The following RBPMS variants were observed in gnomAD, a reference collection of about 807,000 sequenced individuals.
The protein encoded by RBPMS is RNA-binding protein with multiple splicing.
In RBPMS, 7 loss-of-function variants were observed where a neutral mutation model predicts 26.8. The ratio of observed to expected loss-of-function variants is 0.26; its 90% CI spans 0.15 to 0.49. The LOEUF (loss-of-function observed/expected upper bound fraction) is 0.49, where lower values mean the gene tolerates loss of function less well. Among genes scored for constraint, RBPMS ranks in the 20% least tolerant of loss-of-function variants. The probability of loss-of-function intolerance (pLI) is 0.98; values close to 1 mark genes in which losing one functional copy is unlikely to be tolerated. For missense variants in RBPMS, 186 were observed against 250.0 expected, an observed-to-expected ratio of 0.74 and a Z score of 1.73; for synonymous variants, 96 against 93.3, an observed-to-expected ratio of 1.03 and a Z score of -0.17.
chr8:30,410,451 GC>G (rs538042279), intron 1 of RBPMS, among the ~76,000 whole-genome samples: 38 of 151,982 alleles, frequency 2.5e-4, no homozygotes, highest in Admixed American at 9.8e-4. Flanking sequence ...CTTGTCATCT[GC>G]CCCCCTCGGC....
chr8:30,561,997 C>G (rs1343147137), intron 7 of RBPMS: 1 of 985,196 alleles, frequency 1.0e-6, no homozygotes, highest in African/African-American at 1.7e-5. Context: ...TTTGGAAGTA[C>G]GGCTAATAGA....
intron 5 of RBPMS, among the ~76,000 whole-genome samples, chr8:30,531,964 GT>G (rs546577130): frequency 1.4e-3 from 206 of 152,256 alleles, no homozygotes; most frequent in African/African-American, 4.8e-3. Flanking sequence ...AGCCAGTTTT[GT>G]TTAATAAAGT....
chr8:30,533,227 G>T (rs1395246114), intron 5 of RBPMS, among the ~76,000 whole-genome samples: 8 of 152,120 alleles, frequency 5.3e-5, no homozygotes, highest in African/African-American at 1.9e-4. Flanking sequence ...TTTATTCACT[G>T]CGATCATGGA....
At chr8:30,532,744 C>T (rs1306905023) in intron 5 of RBPMS, among the ~76,000 whole-genome samples, 1 of 152,070 alleles carries the variant, frequency 6.6e-6, no homozygotes, top group African/African-American at 2.4e-5. Flanking sequence ...ATCTCCTCAC[C>T]CTCCAAAGAG....
chr8:30,439,651 T>C (rs1414942111), intron 1 of RBPMS, among the ~76,000 whole-genome samples: 2 of 152,072 alleles, frequency 1.3e-5, no homozygotes, highest in African/African-American at 4.8e-5. Context: ...CTTTTTTTTT[T>C]CCTTTTGTTT....
At chr8:30,455,779 A>G (rs1171098667) in intron 1 of RBPMS, among the ~76,000 whole-genome samples, 3 of 152,012 alleles carry the variant, frequency 2.0e-5, no homozygotes, top group Non-Finnish European at 2.9e-5. Flanking sequence ...AGTCGCAACT[A>G]CTCGGGAGGC....
At chr8:30,410,498 G>T (rs569836769) in intron 1 of RBPMS, among the ~76,000 whole-genome samples, 1 of 151,992 alleles carries the variant, frequency 6.6e-6, no homozygotes, top group Non-Finnish European at 1.5e-5. Context: ...AAGAGCCACC[G>T]TGCCTGGCCA....
chr8:30,428,561 A>G (rs905995072), intron 1 of RBPMS, among the ~76,000 whole-genome samples: 3 of 152,324 alleles, frequency 2.0e-5, no homozygotes, highest in South Asian at 4.1e-4. Context: ...ATAATTGGAG[A>G]GAACATTATA....
At chr8:30,441,623 T>C (rs555415800) in intron 1 of RBPMS, among the ~76,000 whole-genome samples, 38 of 152,244 alleles carry the variant, frequency 2.5e-4, no homozygotes, top group African/African-American at 7.0e-4. Context: ...ATTTTTTTTT[T>C]CCCTCATACT....
intron 1 of RBPMS, among the ~76,000 whole-genome samples, chr8:30,455,848 C>T (rs921445870): frequency 2.6e-5 from 4 of 152,050 alleles, no homozygotes; most frequent in Non-Finnish European, 5.9e-5. Context: ...TGAGATCACG[C>T]CACTGCACTC....
At chr8:30,543,963 T>C (rs1272985544) in intron 5 of RBPMS, among the ~76,000 whole-genome samples, 1 of 152,238 alleles carries the variant, frequency 6.6e-6, no homozygotes, top group Non-Finnish European at 1.5e-5. Flanking sequence ...TATTTGGCCC[T>C]GTACTTCTGA....
At position 30,448,319 on chromosome 8, in the gene RBPMS, G is replaced by A. The variant is rs116091274; in HGVS notation, c.67-26460G>A. Among the ~76,000 whole-genome samples the A allele has an allele frequency of 4.3e-3, 657 of 152,298 alleles. 3 individuals carry two copies. The highest frequency in any genetic ancestry group is 0.015 in the African/African-American group (606 of 41,554). ...GGTCTTCCTGTGTGCATATTTGGATGTACAGCCTAACTGAGGTGGAAAACA... is the reference window on the plus strand; with the variant it reads ...GGTCTTCCTGTGTGCATATTTGGATATACAGCCTAACTGAGGTGGAAAACA... On this transcript the variant is annotated intron_variant, in intron 1 of 8. Transcript: ENST00000397323.
At position 30,384,810 on chromosome 8, in the gene RBPMS, C is replaced by G. The variant is rs929780155; in HGVS notation, c.-283C>G. ...CCGCCCTCCCTCTCCAGGTCGCCCT[C>G]CCGGGGCCCGATTGTCTCGGTGCCC... On this transcript the variant is annotated 5_prime_UTR_variant, in exon 1 of 9. Coordinates refer to ENST00000397323, the MANE Select transcript of RBPMS (RefSeq NM_001008710.3). This position sits in a 1 kb window ranked among gnomAD's most constrained non-coding sequence, Gnocchi z 5.6. The G allele has an allele frequency of 1.0e-5, 3 of 298,408 alleles. No homozygotes were observed. Among genetic ancestry groups the G allele is most frequent in the Non-Finnish European group, 1.8e-5 (3 of 162,802 alleles). The allele number at this position is 298,408 out of a possible 1,614,324, so 18.5% of individuals were successfully genotyped here. A position where few individuals can be genotyped will look rare whatever the true frequency, so the allele number is the denominator to read the frequency against.
intron 4 of RBPMS, among the ~76,000 whole-genome samples, chr8:30,494,647 C>T (rs1004867179): frequency 1.3e-5 from 2 of 152,148 alleles, no homozygotes; most frequent in African/African-American, 4.8e-5. Flanking sequence ...GGAGGTTCCA[C>T]AAAATTGATT....
At chr8:30,491,750 C>T (rs1300166744) in intron 4 of RBPMS, among the ~76,000 whole-genome samples, 1 of 151,992 alleles carries the variant, frequency 6.6e-6, no homozygotes, top group Non-Finnish European at 1.5e-5. Context: ...AAAACATATA[C>T]AGAAAGTTAA....
chr8:30,511,486 A>AAAATATATAT (rs1821657057), intron 5 of RBPMS, among the ~76,000 whole-genome samples: 1 of 23,568 alleles, frequency 4.2e-5, no homozygotes, highest in African/African-American at 1.6e-4. Context: ...AAAAAAAAAA[A>AAAATATATAT]ATATATATAT....
At chr8:30,477,078 G>A (rs896469485) in intron 2 of RBPMS, among the ~76,000 whole-genome samples, 9 of 152,006 alleles carry the variant, frequency 5.9e-5, no homozygotes, top group African/African-American at 1.7e-4. Flanking sequence ...TTTTTGAGAC[G>A]GAGTCTGGCT....
chr8:30,543,023 C>T (rs1433553258), intron 5 of RBPMS, among the ~76,000 whole-genome samples: 1 of 152,236 alleles, frequency 6.6e-6, no homozygotes, highest in Non-Finnish European at 1.5e-5. Context: ...GGCAGTCTGT[C>T]TTTCTATCAC....
chr8:30,538,739 G>A (rs1825074424), intron 5 of RBPMS, among the ~76,000 whole-genome samples: 1 of 152,132 alleles, frequency 6.6e-6, no homozygotes, highest in African/African-American at 2.4e-5. Context: ...AGCAGTGTTG[G>A]ATCCTCTGGA....
Sources: allele counts gnomAD v4.1 joint callset (sites outside exome capture counted in the v4.1 genomes callset), GRCh38; gene constraint gnomAD v4.1.1; non-coding constraint Gnocchi (gnomAD v3.1); transcripts MANE v1.5; gene names NCBI Gene and HGNC (gene_info 2026-07-23, HGNC 2026-07-21).